Variants in PRC1 observed in about 807,000 individuals in gnomAD.
The protein encoded by PRC1 is anaphase spindle elongation 1 homolog.
Under a neutral mutation model 91.2 loss-of-function variants are expected in PRC1, and 54 were observed. That is an observed-to-expected ratio of 0.59 (90% CI 0.48 to 0.74). PRC1 has a LOEUF of 0.74. Among genes scored for constraint, PRC1 ranks in the 30% least tolerant of loss-of-function variants. PRC1 has a pLI of 0.00. For synonymous variants in PRC1, 275 were observed against 263.6 expected (o/e 1.04, Z -0.42); for missense variants, 727 against 746.2 (o/e 0.97, Z 0.30).
At position 90,984,079 on chromosome 15, in the gene PRC1, A is replaced by G. The variant is rs773958817; in HGVS notation, c.206T>C (p.Ile69Thr). The change falls in exon 3 of 15, where the codon ATA (isoleucine) becomes ACA (threonine). Residue 69 changes from isoleucine to threonine, a missense_variant. Ile to Thr is a moderately conservative substitution (Grantham distance 89). Coordinates refer to ENST00000394249, the MANE Select transcript of PRC1 (RefSeq NM_003981.4). This position sits in a 1 kb window ranked among gnomAD's most constrained non-coding sequence, Gnocchi z 5.1. ...GTTCAGCTCTTTCTGACAGACGGAT[A>G]TGCTTTTGATGAGTCTTTCCTTCAG... ...ESLKERLIKS[I>T]SVCQKELNTL... is the part of the protein sequence containing the mutation. The G allele has an allele frequency of 1.7e-5, 27 of 1,614,010 alleles. No individual in the cohort carries two copies. Among genetic ancestry groups the G allele is most frequent in the Non-Finnish European group, 2.1e-5 (25 of 1,179,998 alleles).
chr15:90,979,270 T>C lies in PRC1; in HGVS notation c.995A>G (p.Gln332Arg). The C allele has an allele frequency of 6.2e-7, 1 of 1,614,180 alleles. No individual in the cohort carries two copies. Residue 332 changes from glutamine to arginine, a missense_variant, in exon 8 of 15, where the codon CAG becomes CGG. Physicochemically the swap from Gln to Arg is conservative, Grantham distance 43. Transcript: ENST00000394249. ...CAEDYTESLL[Q>R]LHDAEIVRLK... Reference sequence around the variant, plus strand: ...CCGCACAATCTCAGCATCGTGGAGCTGGAGCAGACTTTCTGTGTAGTCCTC... The same window carrying C: ...CCGCACAATCTCAGCATCGTGGAGCCGGAGCAGACTTTCTGTGTAGTCCTC...
chr15:90,977,840 C>A (rs931052967), intron 8 of PRC1, among the ~76,000 whole-genome samples: 2 of 152,124 alleles, frequency 1.3e-5, no homozygotes, highest in African/African-American at 4.8e-5. Context: ...CCTGCCTCGG[C>A]CTTCCAAAGT....
chr15:90,982,132 T>A, intron 3 of PRC1, 151 bp from the exon 4 acceptor site: 4 of 725,146 alleles, frequency 5.5e-6, no homozygotes, highest in Non-Finnish European at 9.1e-6. Context: ...ACAAAGAGGG[T>A]CTCCTAAGGA....
At chr15:90,975,364 G>A (rs1232925500) in intron 9 of PRC1, among the ~76,000 whole-genome samples, 1 of 152,128 alleles carries the variant, frequency 6.6e-6, no homozygotes, top group Non-Finnish European at 1.5e-5. Flanking sequence ...TTACAGGAGT[G>A]AGACACCACG....
chr15:90,979,037 C>A, intron 8 of PRC1, 121 bp downstream of exon 8: 2 of 1,259,616 alleles, frequency 1.6e-6, no homozygotes, highest in East Asian at 2.5e-5. Context: ...AGCAGAAATT[C>A]AGAGAGACTT....
rs945596025 is a variant in PRC1 at position 90,974,497 on chromosome 15, C to T, written c.1350+88G>A. 6.4e-7 allele frequency: 1 copy of T among 1,564,304 alleles called. No individual in the cohort carries two copies. Among genetic ancestry groups the T allele is most frequent in the African/African-American group, 1.4e-5 (1 of 73,600 alleles). Reference sequence around the variant, plus strand: ...AAGCCCCGGTCCCCGGCTCCCTGTTCCACAAACCCTGGTCCCCGGCAGAGA... The same window carrying T: ...AAGCCCCGGTCCCCGGCTCCCTGTTTCACAAACCCTGGTCCCCGGCAGAGA... On this transcript the variant is annotated intron_variant, in intron 10 of 14. Transcript: ENST00000394249. This position sits in a 1 kb window ranked among gnomAD's most constrained non-coding sequence, Gnocchi z 4.6.
chr15:90,969,441 A>G lies in PRC1; in HGVS notation c.1749+6T>C, dbSNP rs369351174. 2.7e-5 allele frequency: 43 copies of G among 1,586,536 alleles called. No homozygotes were observed. In the African/African-American group the frequency reaches 5.7e-4, roughly 21 times the overall value. ...AGACTGGTAGATATTAGAAAAGGTG[A>G]ATTACCGCAAACTCAGAATAGGTGC... On this transcript the variant is annotated splice_donor_region_variant and intron_variant, in intron 13 of 14. Coordinates refer to ENST00000394249, the MANE Select transcript of PRC1 (RefSeq NM_003981.4).
At chr15:90,973,265 G>C (rs543798513) in intron 11 of PRC1, among the ~76,000 whole-genome samples, 1 of 152,376 alleles carries the variant, frequency 6.6e-6, no homozygotes, top group Admixed American at 6.5e-5. Context: ...GTGCTGTATG[G>C]AATCAAGGTT....
chr15:90,971,576 C>G (rs1442088998), intron 11 of PRC1, among the ~76,000 whole-genome samples: 1 of 147,762 alleles, frequency 6.8e-6, no homozygotes, highest in African/African-American at 2.6e-5. Context: ...GCCACTGTAC[C>G]CAGCCAACAC....
chr15:90,993,915 C>A (rs540721987), intron 1 of PRC1, among the ~76,000 whole-genome samples: 6 of 96,800 alleles, frequency 6.2e-5, no homozygotes, highest in Non-Finnish European at 9.9e-5. Flanking sequence ...CGCGTTTCCA[C>A]AAAAATAAAA....
At chr15:90,982,635 T>A (rs2039289905) in intron 3 of PRC1, 1 of 151,160 alleles carries the variant, frequency 6.6e-6, no homozygotes, top group African/African-American at 2.4e-5. Flanking sequence ...TAATCCCAGC[T>A]ACTCGGGAGG....
chr15:90,968,478 T>A, intron 14 of PRC1: 2 of 985,316 alleles, frequency 2.0e-6, no homozygotes, highest in Non-Finnish European at 2.4e-6. Context: ...AATCACAGAT[T>A]AAGTAAAAGG....
intron 14 of PRC1, 96 bp from the exon 15 acceptor site, chr15:90,967,298 A>G (rs2037588171): frequency 9.7e-7 from 1 of 1,028,620 alleles, no homozygotes; most frequent in Admixed American, 1.9e-5. Context: ...AGGTCCCTTG[A>G]AGGTAGTTTC....
At chr15:90,979,123 C>A in intron 8 of PRC1, 35 bp downstream of exon 8, 5 of 1,600,564 alleles carry the variant, frequency 3.1e-6, no homozygotes, top group Non-Finnish European at 4.3e-6. Context: ...GGCATGCTTT[C>A]TTAACAGTTA....
Position 90,984,182 on chromosome 15 carries a change from G to GA in PRC1, c.145-43dup, listed in dbSNP as rs759290669. On this transcript the variant is annotated intron_variant, in intron 2 of 14. Coordinates refer to ENST00000394249, the MANE Select transcript of PRC1 (RefSeq NM_003981.4). The surrounding 1 kb of genome is among the most constrained non-coding windows in gnomAD (Gnocchi z 5.1). Reference sequence around the variant, plus strand: ...AGTCCATAAGTTTGGGGCAATGGAGGAAAAAAACTCCCAACACCAATACCA... The same window carrying GA: ...AGTCCATAAGTTTGGGGCAATGGAGGAAAAAAAACTCCCAACACCAATACCA... The GA allele has an allele frequency of 2.0e-4, 316 of 1,599,074 alleles. No homozygotes were observed. Among genetic ancestry groups the GA allele is most frequent in the Non-Finnish European group, 2.5e-4 (295 of 1,173,184 alleles).
chr15:90,984,755 G>C lies in PRC1; in HGVS notation c.82C>G (p.Leu28Val). The change falls in exon 2 of 15, where the codon CTA (leucine) becomes GTA (valine). Residue 28 changes from leucine to valine, a missense_variant. Transcript: ENST00000394249. This position sits in a 1 kb window ranked among gnomAD's most constrained non-coding sequence, Gnocchi z 5.1. ...CGCTGGTCCTCTGGAATCCCAATTA[G>C]CTCCCATATTTCCCGAAGGTGATTT... ...ALNHLREIWE[L>V]IGIPEDQRLQ... 1 of 1,614,082 alleles carries C rather than the reference G, an allele frequency of 6.2e-7. No individual in the cohort carries two copies. The highest frequency in any genetic ancestry group is 8.5e-7 in the Non-Finnish European group (1 of 1,180,022).
chr15:90,974,550 G>T lies in PRC1; in HGVS notation c.1350+35C>A, dbSNP rs12898311. On this transcript the variant is annotated intron_variant, in intron 10 of 14. Transcript: ENST00000394249. This position sits in a 1 kb window ranked among gnomAD's most constrained non-coding sequence, Gnocchi z 4.6. ...ATGGGCTGCTCAGATTACTTTCTTC[G>T]TCTTTTCCCAATTTGCGTTCACGTT... 8 of 1,611,480 alleles carry T rather than the reference G, an allele frequency of 5.0e-6. No individual in the cohort carries two copies. The highest frequency in any genetic ancestry group is 6.8e-6 in the Non-Finnish European group (8 of 1,178,482).
intron 14 of PRC1, chr15:90,968,561 C>T (rs897600631): frequency 1.0e-6 from 1 of 990,124 alleles, no homozygotes; most frequent in Non-Finnish European, 1.2e-6. Context: ...AAACTTGCTT[C>T]CAGTGCTTCA....
intron 1 of PRC1, among the ~76,000 whole-genome samples, chr15:90,993,118 G>T (rs1205168990): frequency 7.2e-6 from 1 of 138,700 alleles, no homozygotes; most frequent in Admixed American, 7.6e-5. Flanking sequence ...ATATCCATTA[G>T]CCTGGAACCA....
Sources: gnomAD v4.1 joint callset for allele counts (sites outside exome capture counted in the v4.1 genomes callset) on GRCh38, gnomAD v4.1.1 for gene constraint, Gnocchi (gnomAD v3.1) non-coding constraint, MANE v1.5 for transcripts, NCBI Gene and HGNC (gene_info 2026-07-23, HGNC 2026-07-21) for gene names.